CPPED1: variants seen among roughly 807,000 people sequenced by gnomAD.
CPPED1 encodes serine/threonine-protein phosphatase CPPED1.
In CPPED1, 28 loss-of-function variants were observed where a neutral mutation model predicts 28.0. The ratio of observed to expected loss-of-function variants is 1.00; its 90% confidence interval spans 0.74 to 1.37. The LOEUF (loss-of-function observed/expected upper bound fraction) is 1.37. Ranked by LOEUF, CPPED1 falls within the 40% of genes most tolerant of loss-of-function variation. The pLI is 0.00. For synonymous variants in CPPED1, 198 were observed against 180.2 expected (o/e 1.10, Z -0.79); for missense variants, 504 against 416.5 (o/e 1.21, Z -1.83).
chr16:12,691,987 C>A (rs1426329039), intron 3 of CPPED1, among the ~76,000 whole-genome samples: 14 of 151,160 alleles, frequency 9.3e-5, no homozygotes, highest in African/African-American at 2.4e-4. Flanking sequence ...AAAACAAAAA[C>A]AACATAAAGG....
chr16:12,792,651 T>C (rs903329720), intron 1 of CPPED1, among the ~76,000 whole-genome samples: 2 of 152,160 alleles, frequency 1.3e-5, no homozygotes, highest in Non-Finnish European at 2.9e-5. Context: ...GGGAAGGACC[T>C]GGTGGGAGGT....
intron 2 of CPPED1, among the ~76,000 whole-genome samples, chr16:12,752,812 G>C (rs1275160677): frequency 6.8e-6 from 1 of 147,768 alleles, no homozygotes; most frequent in Non-Finnish European, 1.5e-5. Context: ...TCTCTGGCAA[G>C]ACATTACATA....
chr16:12,718,673 G>A (rs1452661439), intron 2 of CPPED1, among the ~76,000 whole-genome samples: 1 of 151,930 alleles, frequency 6.6e-6, no homozygotes, highest in Non-Finnish European at 1.5e-5. Context: ...ATCTGAAAAT[G>A]CACATTCAGC....
At chr16:12,802,762 G>T (rs1239884804) in intron 1 of CPPED1, among the ~76,000 whole-genome samples, 6 of 152,228 alleles carry the variant, frequency 3.9e-5, no homozygotes, top group African/African-American at 1.2e-4. Context: ...AACAGCAAGC[G>T]CCAAGACCCT....
At chr16:12,779,335 T>C (rs2080515930) in intron 2 of CPPED1, among the ~76,000 whole-genome samples, 1 of 151,984 alleles carries the variant, frequency 6.6e-6, no homozygotes. Flanking sequence ...CCTCCCACTT[T>C]AGCCTCCTCA....
chr16:12,755,903 C>T (rs188456406), intron 2 of CPPED1, among the ~76,000 whole-genome samples: 147 of 152,128 alleles, frequency 9.7e-4, no homozygotes, highest in African/African-American at 3.0e-3. Context: ...GAGGTCAAGG[C>T]GGGCGGATCA....
intron 1 of CPPED1, among the ~76,000 whole-genome samples, chr16:12,793,985 A>T (rs886971272): frequency 6.6e-6 from 1 of 152,136 alleles, no homozygotes; most frequent in Non-Finnish European, 1.5e-5. Flanking sequence ...TCACAATCTA[A>T]ATGTCTCCAG....
chr16:12,759,486 G>A lies in CPPED1; in HGVS notation c.289+21699C>T, dbSNP rs144749026. 2.6e-5 allele frequency: 4 copies of A among 152,402 alleles called. No individual in the cohort carries two copies. The East Asian group carries it at 7.7e-4, about 29-fold the overall frequency. 9.4% of individuals were successfully genotyped at this position (152,402 alleles called of 1,614,324 possible). On this transcript the variant is annotated intron_variant, in intron 2 of 3. Transcript: ENST00000381774. ...TGCAAAGAAAGCAGAGAGGCCATCA[G>A]GCCATCTAGCTTTCATCATGCAGGT...
At chr16:12,708,483 C>T (rs1173905305) in intron 2 of CPPED1, among the ~76,000 whole-genome samples, 1 of 152,176 alleles carries the variant, frequency 6.6e-6, no homozygotes, top group Non-Finnish European at 1.5e-5. Context: ...CATCCCATCC[C>T]CCTAAATGTA....
intron 2 of CPPED1, among the ~76,000 whole-genome samples, chr16:12,711,752 G>A (rs766849256): frequency 1.3e-5 from 2 of 152,054 alleles, no homozygotes; most frequent in African/African-American, 2.4e-5. Context: ...CTTTATTAGG[G>A]GTGTCCTCTG....
chr16:12,699,190 T>A (rs1380850417), intron 3 of CPPED1, among the ~76,000 whole-genome samples: 1 of 152,262 alleles, frequency 6.6e-6, no homozygotes, highest in East Asian at 1.9e-4. Context: ...AATTTCTACA[T>A]CCCTTGGATG....
At chr16:12,684,436 A>T (rs189817495) in intron 3 of CPPED1, among the ~76,000 whole-genome samples, 1 of 152,258 alleles carries the variant, frequency 6.6e-6, no homozygotes, top group East Asian at 1.9e-4. Context: ...GATCAAACAC[A>T]ATGTCTCCAT....
Position 12,660,572 on chromosome 16 carries a change from G to C in CPPED1, c.*4314C>G, listed in dbSNP as rs962850469. 22 of 151,714 alleles carry C rather than the reference G, an allele frequency of 1.5e-4. No individual in the cohort carries two copies. Among genetic ancestry groups the C allele is most frequent in the African/African-American group, 4.8e-4 (20 of 41,296 alleles). The allele number at this position is 151,714 out of a possible 1,614,324, so 9.4% of individuals were successfully genotyped here. On this transcript the variant is annotated 3_prime_UTR_variant, in exon 4 of 4. Coordinates refer to ENST00000381774, the MANE Select transcript of CPPED1 (RefSeq NM_018340.3). The stretch of plus-strand genomic sequence containing the variant: ...ATACATAAGAGCTCCTCCATGGCTT[G>C]AGAATATTTTATGAAGTTATAAAAA...
intron 2 of CPPED1, among the ~76,000 whole-genome samples, chr16:12,767,196 G>C (rs932763183): frequency 6.6e-6 from 1 of 152,188 alleles, no homozygotes; most frequent in South Asian, 2.1e-4. Flanking sequence ...GAGAATCAGA[G>C]AAACTGATGG....
intron 3 of CPPED1, among the ~76,000 whole-genome samples, chr16:12,669,411 C>G (rs1878710): frequency 0.053 from 8,078 of 152,104 alleles, 632 homozygotes; most frequent in African/African-American, 0.18. Flanking sequence ...CACGGTGATA[C>G]TTGCACAACC....
chr16:12,739,476 G>T (rs1024300190), intron 2 of CPPED1, among the ~76,000 whole-genome samples: 1 of 152,126 alleles, frequency 6.6e-6, no homozygotes, highest in Non-Finnish European at 1.5e-5. Context: ...AGCTACTCAG[G>T]AGGCTGAGGC....
At chr16:12,766,256 T>TATATATATATATATAGAGAG in intron 2 of CPPED1, among the ~76,000 whole-genome samples, 6 of 134,288 alleles carry the variant, frequency 4.5e-5, no homozygotes, top group African/African-American at 2.1e-4. Context: ...TATATATATA[T>TATATATATATATATAGAGAG]AGAGAGAGAG....
At chr16:12,735,301 T>C (rs1398362602) in intron 2 of CPPED1, among the ~76,000 whole-genome samples, 4 of 152,130 alleles carry the variant, frequency 2.6e-5, no homozygotes, top group Admixed American at 2.0e-4. Flanking sequence ...AAAATATATA[T>C]ATTTTTTTTA....
At chr16:12,795,716 G>C (rs1024900280) in intron 1 of CPPED1, among the ~76,000 whole-genome samples, 3 of 152,268 alleles carry the variant, frequency 2.0e-5, no homozygotes, top group African/African-American at 7.2e-5. Context: ...CATGAGAGCA[G>C]TGGGTTGGAC....
Sources: gnomAD v4.1 joint callset for allele counts (sites outside exome capture counted in the v4.1 genomes callset) on GRCh38, gnomAD v4.1.1 for gene constraint, MANE v1.5 for transcripts, NCBI Gene and HGNC (gene_info 2026-07-23, HGNC 2026-07-21) for gene names.